DCAF6: variants seen among roughly 807,000 people sequenced by gnomAD.
DCAF6 encodes the protein DDB1- and CUL4-associated factor 6.
Under a neutral mutation model 125.1 loss-of-function variants are expected in DCAF6, and 54 were observed. That is an observed-to-expected ratio of 0.43 (90% CI 0.35 to 0.54). DCAF6 has a LOEUF of 0.54. DCAF6 is among the 20% of genes least tolerant of loss of function. DCAF6 has a pLI of 0.01. For synonymous variants in DCAF6, 371 were observed against 390.4 expected (o/e 0.95, Z 0.58); for missense variants, 934 against 1,161.7 (o/e 0.80, Z 2.85).
chr1:167,916,798 C>T, the DCAF6 span: 1 of 152,068 alleles, frequency 6.6e-6, no homozygotes, highest in African/African-American at 2.4e-5. Context: ...AAATGCTTAA[C>T]CTAGGAAACA....
chr1:168,015,688 T>G, intron 10 of DCAF6, 93 bp from the exon 11 acceptor site: 1 of 1,168,668 alleles, frequency 8.6e-7, no homozygotes, highest in Non-Finnish European at 1.1e-6. Context: ...TGTGTTTTGT[T>G]TATATCCTTC....
intron 7 of DCAF6, among the ~76,000 whole-genome samples, chr1:168,000,614 CAATTG>C (rs2103062249): frequency 6.6e-6 from 1 of 152,066 alleles, no homozygotes; most frequent in South Asian, 2.1e-4. Flanking sequence ...GTTCGTCAAC[CAATTG>C]ACGAATGGAT....
intron 4 of DCAF6, among the ~76,000 whole-genome samples, chr1:167,985,125 C>T (rs12407660): frequency 0.21 from 31,366 of 152,004 alleles, 3,862 homozygotes; most frequent in Admixed American, 0.36. Flanking sequence ...CACTGGGTCC[C>T]TCCCACAACA....
At chr1:167,883,684 A>G in the DCAF6 span, 1 of 1,550,262 alleles carries the variant, frequency 6.5e-7, no homozygotes, top group South Asian at 1.1e-5. Flanking sequence ...TCCCTCCCCC[A>G]ACACCGCCCC....
intron 3 of DCAF6, among the ~76,000 whole-genome samples, chr1:167,972,726 C>T (rs1303641714): frequency 6.6e-6 from 1 of 152,124 alleles, no homozygotes; most frequent in Non-Finnish European, 1.5e-5. Flanking sequence ...TAGTTTTTGA[C>T]TTGATCAACT....
chr1:167,989,604 C>T (rs577095682), intron 5 of DCAF6, among the ~76,000 whole-genome samples: 4 of 152,010 alleles, frequency 2.6e-5, no homozygotes, highest in Admixed American at 6.6e-5. Flanking sequence ...ACTGAGGGGC[C>T]GGGCGCGGTG....
At chr1:168,036,415 T>C (rs1687813348) in intron 12 of DCAF6, among the ~76,000 whole-genome samples, 1 of 152,116 alleles carries the variant, frequency 6.6e-6, no homozygotes, top group Non-Finnish European at 1.5e-5. Flanking sequence ...TCTACTGTCT[T>C]TACCTTAAAA....
Position 168,040,795 on chromosome 1 carries a change from A to G in DCAF6, c.1728-2230A>G, listed in dbSNP as rs80119861. 3.4e-3 allele frequency among the ~76,000 whole-genome samples: 507 copies of G among 149,734 alleles called. 1 individual carries two copies. Among genetic ancestry groups the G allele is most frequent in the African/African-American group, 0.011 (468 of 40,976 alleles). On this transcript the variant is annotated intron_variant, in intron 13 of 21. Coordinates refer to ENST00000367840, the MANE Select transcript of DCAF6 (RefSeq NM_001198956.2). ...ACTTTTCCTTCTCTAAAAACTGACC[A>G]TGAATTATATTCTCATTCATCAATT...
the DCAF6 span, chr1:167,904,878 T>C: frequency 7.2e-7 from 1 of 1,395,442 alleles, no homozygotes; most frequent in Non-Finnish European, 1.0e-6. Flanking sequence ...ACATCTGCTG[T>C]GACAGCCCAA....
chr1:167,913,439 T>A, the DCAF6 span, among the ~76,000 whole-genome samples: 2 of 152,226 alleles, frequency 1.3e-5, no homozygotes, highest in African/African-American at 4.8e-5. Context: ...GGCACAGTGT[T>A]ACCTGTCATG....
intron 21 of DCAF6, among the ~76,000 whole-genome samples, chr1:168,071,720 C>G (rs1368863997): frequency 1.3e-5 from 2 of 152,140 alleles, no homozygotes; most frequent in African/African-American, 4.8e-5. Flanking sequence ...TTAGATACCA[C>G]CCCCTCTTAA....
intron 12 of DCAF6, among the ~76,000 whole-genome samples, chr1:168,027,319 A>G (rs1686466902): frequency 6.6e-6 from 1 of 152,122 alleles, no homozygotes; most frequent in African/African-American, 2.4e-5. Flanking sequence ...GCATGTTTAT[A>G]GAGTAAACAG....
In DCAF6 at chr1:168,038,573, T is replaced by C. The variant is rs751940717; in HGVS notation, c.1727+85T>C. 7.1e-6 allele frequency: 7 copies of C among 992,862 alleles called. No homozygotes were observed. In the African/African-American group the frequency reaches 8.3e-5, roughly 12 times the overall value. 61.5% of individuals were successfully genotyped at this position (992,862 alleles called of 1,614,324 possible). ...AATTTTTAACACTTCGTCATCTTTA[T>C]GTTTTGTTTTGCTATAAGGTATTGG... On this transcript the variant is annotated intron_variant, in intron 13 of 21. Coordinates refer to ENST00000367840, the MANE Select transcript of DCAF6 (RefSeq NM_001198956.2).
chr1:168,067,863 C>T (rs1692543744), intron 20 of DCAF6, among the ~76,000 whole-genome samples: 1 of 152,042 alleles, frequency 6.6e-6, no homozygotes, highest in Non-Finnish European at 1.5e-5. Context: ...TAATCCTATT[C>T]TTGGTACTTA....
At chr1:167,993,188 CATT>C (rs1336315926) in intron 6 of DCAF6, 35 bp from the exon 7 acceptor site, 2 of 1,528,958 alleles carry the variant, frequency 1.3e-6, no homozygotes, top group African/African-American at 1.4e-5. Flanking sequence ...TTCTTTAAAA[CATT>C]ATTAATTTTA....
At chr1:167,878,572 C>T in the DCAF6 span, 2 of 1,614,180 alleles carry the variant, frequency 1.2e-6, no homozygotes, top group Non-Finnish European at 1.7e-6. Context: ...GACAGAGTCG[C>T]AGGTCACAAT....
At chr1:167,930,383 C>T in the DCAF6 span, among the ~76,000 whole-genome samples, 2 of 152,142 alleles carry the variant, frequency 1.3e-5, no homozygotes, top group East Asian at 1.9e-4. Flanking sequence ...AAATCATCTA[C>T]TGTAGGCACT....
At chr1:167,974,783 C>T (rs1677887098) in intron 3 of DCAF6, 47 bp from the exon 4 acceptor site, 2 of 1,374,024 alleles carry the variant, frequency 1.5e-6, no homozygotes, top group Admixed American at 2.7e-5. Context: ...ATGAATATTT[C>T]TAGGAAATAA....
chr1:167,994,077 TTAA>T (rs2103023740), intron 7 of DCAF6, among the ~76,000 whole-genome samples: 1 of 152,044 alleles, frequency 6.6e-6, no homozygotes, highest in African/African-American at 2.4e-5. Context: ...TGTGTTATAA[TTAA>T]TAGTAAATAA....
Sources: allele counts gnomAD v4.1 joint callset (sites outside exome capture counted in the v4.1 genomes callset), GRCh38; gene constraint gnomAD v4.1.1; transcripts MANE v1.5; gene names NCBI Gene and HGNC (gene_info 2026-07-23, HGNC 2026-07-21).